IQGAP2: variants seen among roughly 807,000 people sequenced by gnomAD.
IQGAP2 encodes ras GTPase-activating-like protein IQGAP2.
Under a neutral mutation model 201.3 loss-of-function variants are expected in IQGAP2, and 173 were observed. The ratio of observed to expected loss-of-function variants is 0.86; its 90% CI spans 0.76 to 0.98. The LOEUF (loss-of-function observed/expected upper bound fraction) is 0.98, where lower values mean the gene tolerates loss of function less well. Ranked by LOEUF, IQGAP2 falls within the 50% of genes least tolerant of loss-of-function variation. The pLI is 0.00. For missense variants in IQGAP2, 1,687 were observed against 1,864.8 expected (o/e 0.90, Z 1.76); for synonymous variants, 675 against 673.9 (o/e 1.00, Z -0.03).
intron 1 of IQGAP2, among the ~76,000 whole-genome samples, chr5:76,448,592 C>G (rs924853017): frequency 2.0e-5 from 3 of 152,122 alleles, no homozygotes. Context: ...CTGCTCAAGG[C>G]TCTCCATAAG....
At chr5:76,540,707 G>T (rs755135881) in intron 2 of IQGAP2, among the ~76,000 whole-genome samples, 5 of 152,234 alleles carry the variant, frequency 3.3e-5, no homozygotes, top group Non-Finnish European at 7.3e-5. Context: ...AGAAGGAAAA[G>T]ATGTTCCCTC....
In IQGAP2 at chr5:76,654,197, C is replaced by CA; in HGVS notation, c.2179-2dup. 1 of 1,597,602 alleles carries CA rather than the reference C, an allele frequency of 6.3e-7. No individual in the cohort carries two copies. Among genetic ancestry groups the CA allele is most frequent in the Non-Finnish European group, 8.5e-7 (1 of 1,170,248 alleles). On this transcript the variant is annotated splice_region_variant and splice_polypyrimidine_tract_variant and intron_variant, in intron 18 of 35. Transcript: ENST00000274364. ...TACTTTTCTATTTTTTAAAACCTTT[C>CA]AGATTCAGTCCTGGTTCCGAATGGC...
At chr5:76,416,913 C>G (rs1751438550) in intron 1 of IQGAP2, among the ~76,000 whole-genome samples, 1 of 152,134 alleles carries the variant, frequency 6.6e-6, no homozygotes, top group Admixed American at 6.5e-5. Context: ...ACTGCAGCCT[C>G]CAGCTCCTGG....
chr5:76,669,347 A>G (rs1315507584), intron 23 of IQGAP2, among the ~76,000 whole-genome samples: 24 of 152,168 alleles, frequency 1.6e-4, no homozygotes, highest in Middle Eastern at 3.2e-3. Context: ...ACTTGTGGAA[A>G]CCTTAAGTTA....
intron 28 of IQGAP2, among the ~76,000 whole-genome samples, chr5:76,680,081 C>T (rs2150506432): frequency 1.3e-5 from 2 of 152,292 alleles, no homozygotes; most frequent in South Asian, 4.1e-4. Context: ...CTTCACTGAT[C>T]TTAAAGATTA....
At chr5:76,518,481 A>G (rs1758471655) in intron 2 of IQGAP2, among the ~76,000 whole-genome samples, 1 of 152,164 alleles carries the variant, frequency 6.6e-6, no homozygotes, top group South Asian at 2.1e-4. Flanking sequence ...CCATGATTCA[A>G]TTACCTCCAA....
chr5:76,594,617 AG>A (rs1178042572), intron 9 of IQGAP2, among the ~76,000 whole-genome samples: 5 of 152,192 alleles, frequency 3.3e-5, no homozygotes, highest in Non-Finnish European at 7.4e-5. Context: ...AAGTAACCTT[AG>A]GAAAAAAACC....
At chr5:76,666,421 TA>T (rs1351760042) in intron 22 of IQGAP2, among the ~76,000 whole-genome samples, 2 of 152,242 alleles carry the variant, frequency 1.3e-5, no homozygotes, top group African/African-American at 4.8e-5. Context: ...GAAGATTCTT[TA>T]GAATTTAGTT....
At chr5:76,672,411 A>G (rs1332083144) in intron 24 of IQGAP2, among the ~76,000 whole-genome samples, 1 of 152,184 alleles carries the variant, frequency 6.6e-6, no homozygotes, top group East Asian at 1.9e-4. Flanking sequence ...TGTTTCCTGT[A>G]AAAGGATGTC....
chr5:76,463,078 G>T (rs1191133164), intron 2 of IQGAP2, among the ~76,000 whole-genome samples: 1 of 148,776 alleles, frequency 6.7e-6, no homozygotes, highest in African/African-American at 2.5e-5. Context: ...AGCTGAGATC[G>T]GGCTGCTGCA....
At chr5:76,623,836 A>G (rs2069644) in intron 13 of IQGAP2, among the ~76,000 whole-genome samples, 39,829 of 151,556 alleles carry the variant, frequency 0.26, 5,240 homozygotes, top group East Asian at 0.36. Context: ...TTTTCCATCA[A>G]TGTAATATTG....
intron 30 of IQGAP2, among the ~76,000 whole-genome samples, chr5:76,684,813 G>C (rs1745598777): frequency 6.6e-6 from 1 of 152,098 alleles, no homozygotes; most frequent in Admixed American, 6.5e-5. Context: ...TGCTTGAAGT[G>C]TGAATGAAGA....
chr5:76,412,009 C>T (rs1751148348), intron 1 of IQGAP2, among the ~76,000 whole-genome samples: 1 of 152,062 alleles, frequency 6.6e-6, no homozygotes, highest in Admixed American at 6.5e-5. Context: ...GATAGATGTC[C>T]TCCTTCTCCA....
At chr5:76,618,450 C>T in intron 13 of IQGAP2, 2 of 1,614,072 alleles carry the variant, frequency 1.2e-6, no homozygotes, top group Non-Finnish European at 1.7e-6. Flanking sequence ...GGTCAGGTAC[C>T]CCATGGTAGC....
chr5:76,433,311 T>A (rs1752477402), intron 1 of IQGAP2, among the ~76,000 whole-genome samples: 2 of 152,112 alleles, frequency 1.3e-5, no homozygotes, highest in Non-Finnish European at 2.9e-5. Context: ...ACTTTTATGG[T>A]TTTAGGTCTT....
intron 1 of IQGAP2, among the ~76,000 whole-genome samples, chr5:76,410,513 G>T (rs930658558): frequency 2.6e-5 from 4 of 152,184 alleles, no homozygotes; most frequent in Admixed American, 6.5e-5. Flanking sequence ...AGCATTTGGT[G>T]CCCTGTCTGC....
chr5:76,631,800 A>G, intron 14 of IQGAP2, 59 bp from the exon 15 acceptor site: 1 of 1,260,046 alleles, frequency 7.9e-7, no homozygotes, highest in Non-Finnish European at 1.1e-6. Flanking sequence ...ATATATTTGC[A>G]TGCCTTGAAG....
chr5:76,597,739 T>A, intron 10 of IQGAP2, 137 bp downstream of exon 10: 1 of 792,466 alleles, frequency 1.3e-6, no homozygotes, highest in Non-Finnish European at 2.0e-6. Flanking sequence ...GGCCCACCTG[T>A]ACCAATTCCA....
chr5:76,568,783 T>C (rs2150266900), intron 3 of IQGAP2, among the ~76,000 whole-genome samples: 1 of 152,300 alleles, frequency 6.6e-6, no homozygotes, highest in South Asian at 2.1e-4. Context: ...TTGGTAATTT[T>C]TATCTAAGAG....
Sources: allele counts gnomAD v4.1 joint callset (sites outside exome capture counted in the v4.1 genomes callset), GRCh38; gene constraint gnomAD v4.1.1; transcripts MANE v1.5; gene names NCBI Gene and HGNC (gene_info 2026-07-23, HGNC 2026-07-21).